Variants in TBC1D30 observed in about 807,000 individuals in gnomAD.
TBC1D30 encodes TBC1 domain family member 30.
A neutral mutation model predicts 63.2 loss-of-function variants in TBC1D30; 31 were observed. The observed-to-expected ratio is 0.49, with a 90% CI of 0.37 to 0.66. The LOEUF is 0.66. Among genes scored for constraint, TBC1D30 ranks in the 30% least tolerant of loss-of-function variants. The probability of loss-of-function intolerance (pLI) is 0.00; values close to 1 mark genes in which losing one functional copy is unlikely to be tolerated. For synonymous variants in TBC1D30, 307 were observed against 361.5 expected, an observed-to-expected ratio of 0.85 and a Z score of 1.71; for missense variants, 810 against 953.6, an observed-to-expected ratio of 0.85 and a Z score of 1.98.
At chr12:64,872,855 A>G (rs1160820914) in intron 11 of TBC1D30, among the ~76,000 whole-genome samples, 2 of 152,142 alleles carry the variant, frequency 1.3e-5, no homozygotes, top group African/African-American at 4.8e-5. Flanking sequence ...GGAAACTCCC[A>G]TTTTTAAAAC....
chr12:64,781,337 C>T lies in TBC1D30; in HGVS notation c.478+51C>T, dbSNP rs1013931545. On this transcript the variant is annotated intron_variant, in intron 1 of 12. Coordinates refer to the TBC1D30 transcript ENST00000542120. ...CGGGGGCTTCCTGGAGCCGGGTTGT[C>T]CTCGCCGTCTCTGCCCGCGCTCCAG... 1.0e-5 allele frequency: 11 copies of T among 1,051,856 alleles called. No homozygotes were observed. The African/African-American group carries it at 1.2e-4, about 12-fold the overall frequency. 65.2% of individuals were successfully genotyped at this position (1,051,856 alleles called of 1,614,324 possible).
rs562656545 is a variant in TBC1D30, at chr12:64,838,940, G to A, written c.932+89G>A. On this transcript the variant is annotated intron_variant, in intron 7 of 11. Transcript: ENST00000539867. ...CTAACGTGTAAAGCAATATTTAAGT[G>A]AAATGAGAAAGTTGTGAACTTTTAA... 1.6e-5 allele frequency: 20 copies of A among 1,235,676 alleles called. No individual in the cohort carries two copies. In the South Asian group the frequency reaches 2.7e-4, roughly 17 times the overall value. 76.5% of individuals were successfully genotyped at this position (1,235,676 alleles called of 1,614,324 possible).
intron 8 of TBC1D30, among the ~76,000 whole-genome samples, chr12:64,861,684 TG>T (rs1425296129): frequency 6.6e-6 from 1 of 152,204 alleles, no homozygotes; most frequent in Non-Finnish European, 1.5e-5. Flanking sequence ...ATAATGTACC[TG>T]GATATCAGTA....
chr12:64,805,249 G>A (rs1344619664), intron 2 of TBC1D30, among the ~76,000 whole-genome samples: 1 of 152,082 alleles, frequency 6.6e-6, no homozygotes, highest in Non-Finnish European at 1.5e-5. Flanking sequence ...TGTGTTTGAG[G>A]TCCCACATTA....
chr12:64,786,116 C>A (rs1871555626), intron 2 of TBC1D30: 1 of 1,179,040 alleles, frequency 8.5e-7, no homozygotes, highest in Non-Finnish European at 1.1e-6. Context: ...AGCCAACAGT[C>A]TGTGTTTGTG....
chr12:64,847,890 G>A (rs1876528173), intron 8 of TBC1D30, among the ~76,000 whole-genome samples: 1 of 151,430 alleles, frequency 6.6e-6, no homozygotes, highest in Non-Finnish European at 1.5e-5. Flanking sequence ...ATATCTACTA[G>A]GTCCATTTGT....
intron 1 of TBC1D30, among the ~76,000 whole-genome samples, chr12:64,772,557 G>A (rs1870945658): frequency 6.6e-6 from 1 of 152,014 alleles, no homozygotes; most frequent in Non-Finnish European, 1.5e-5. Flanking sequence ...AGCTTCCCAA[G>A]TAGCTGGGAT....
chr12:64,788,076 T>C (rs1871701565), intron 2 of TBC1D30, among the ~76,000 whole-genome samples: 1 of 151,834 alleles, frequency 6.6e-6, no homozygotes, highest in Non-Finnish European at 1.5e-5. Context: ...ATCATAATAA[T>C]ATCACTGTCG....
At chr12:64,797,293 C>T (rs1403987721) in intron 2 of TBC1D30, among the ~76,000 whole-genome samples, 1 of 152,202 alleles carries the variant, frequency 6.6e-6, no homozygotes, top group Admixed American at 6.5e-5. Context: ...AATCTCTTTT[C>T]TTCCTGTTGT....
intron 10 of TBC1D30, chr12:64,867,846 C>G (rs1308078986): frequency 6.6e-6 from 1 of 152,178 alleles, no homozygotes; most frequent in African/African-American, 2.4e-5. Context: ...GAGATAACTT[C>G]CACCTACCCG....
At chr12:64,864,578 G>A (rs1242273637) in intron 8 of TBC1D30, 90 bp from the exon 9 acceptor site, 4 of 868,822 alleles carry the variant, frequency 4.6e-6, no homozygotes, top group Non-Finnish European at 7.3e-6. Context: ...CTTCACACTC[G>A]ACTTCATAAA....
chr12:64,873,654 A>G (rs1878827515), intron 11 of TBC1D30, among the ~76,000 whole-genome samples: 1 of 152,110 alleles, frequency 6.6e-6, no homozygotes, highest in South Asian at 2.1e-4. Flanking sequence ...AAGAGCCAAA[A>G]TGAGGAGTAT....
intron 1 of TBC1D30, among the ~76,000 whole-genome samples, chr12:64,764,929 AGCC>A (rs1870649594): frequency 6.6e-6 from 1 of 152,246 alleles, no homozygotes; most frequent in Non-Finnish European, 1.5e-5. Flanking sequence ...AGATCCAGCC[AGCC>A]ATAGGGGAAA....
chr12:64,784,451 C>A (rs1871447745), intron 1 of TBC1D30, among the ~76,000 whole-genome samples: 1 of 151,834 alleles, frequency 6.6e-6, no homozygotes, highest in East Asian at 1.9e-4. Flanking sequence ...CATTTATTTT[C>A]TTCTCTTCTG....
chr12:64,851,043 C>G (rs548476626), intron 8 of TBC1D30, among the ~76,000 whole-genome samples: 2 of 152,216 alleles, frequency 1.3e-5, no homozygotes, highest in South Asian at 2.1e-4. Context: ...TCTAGATTTT[C>G]TAGTTTATTT....
chr12:64,759,519 G>T (rs775220330), exon 1 of TBC1D30: 302 of 497,876 alleles, frequency 6.1e-4, no homozygotes, highest in Non-Finnish European at 8.9e-4. Context: ...CTGGAGGGAG[G>T]CATCAGGCAG....
chr12:64,790,661 C>T (rs531329267), intron 2 of TBC1D30, among the ~76,000 whole-genome samples: 16 of 152,312 alleles, frequency 1.1e-4, no homozygotes, highest in African/African-American at 3.4e-4. Context: ...AATGTGTCCA[C>T]TCTCACATCC....
upstream of TBC1D30, among the ~76,000 whole-genome samples, chr12:64,780,267 C>G (rs924199888): frequency 6.6e-6 from 1 of 152,174 alleles, no homozygotes; most frequent in Non-Finnish European, 1.5e-5. Flanking sequence ...GCGCTCAGAT[C>G]AGGTGGGAAA....
upstream of TBC1D30, among the ~76,000 whole-genome samples, chr12:64,775,602 CA>C (rs1871054103): frequency 6.6e-6 from 1 of 152,140 alleles, no homozygotes; most frequent in Non-Finnish European, 1.5e-5. Flanking sequence ...TATATGCACC[CA>C]ACATAGGAAT....
Sources: gnomAD v4.1 joint callset for allele counts (sites outside exome capture counted in the v4.1 genomes callset) on GRCh38, gnomAD v4.1.1 for gene constraint, MANE v1.5 for transcripts, NCBI Gene and HGNC (gene_info 2026-07-23, HGNC 2026-07-21) for gene names.